The following CHRM5 variants were observed in gnomAD, a reference collection of about 807,000 sequenced individuals.
CHRM5 encodes muscarinic acetylcholine receptor M5.
Under a neutral mutation model 39.0 loss-of-function variants are expected in CHRM5, and 18 were observed. That is an observed-to-expected ratio of 0.46 (90% CI 0.32 to 0.68). The LOEUF (loss-of-function observed/expected upper bound fraction) is 0.68, where lower values mean the gene tolerates loss of function less well. Among genes scored for constraint, CHRM5 ranks in the 30% least tolerant of loss-of-function variants. The pLI is 0.04. For missense variants in CHRM5, 515 were observed against 651.1 expected, an observed-to-expected ratio of 0.79 and a Z score of 2.28; for synonymous variants, 241 against 246.3, an observed-to-expected ratio of 0.98 and a Z score of 0.20.
chr15:34,049,164 A>G (rs1470279706), intron 2 of CHRM5, among the ~76,000 whole-genome samples: 2 of 152,224 alleles, frequency 1.3e-5, no homozygotes, highest in Admixed American at 1.3e-4. Flanking sequence ...AAATGACTGC[A>G]CACCTCTCCA....
At chr15:33,990,450 A>T (rs1896673656) in intron 1 of CHRM5, among the ~76,000 whole-genome samples, 1 of 152,236 alleles carries the variant, frequency 6.6e-6, no homozygotes, top group Admixed American at 6.5e-5. Flanking sequence ...GTCTAACTGA[A>T]GAGTAACTGG....
chr15:34,016,470 T>A (rs963568659), intron 1 of CHRM5, among the ~76,000 whole-genome samples: 9 of 152,096 alleles, frequency 5.9e-5, no homozygotes, highest in African/African-American at 1.5e-4. Context: ...TGTGGCCACA[T>A]GACTCTTTTT....
chr15:34,046,094 A>G (rs954618447), intron 1 of CHRM5, among the ~76,000 whole-genome samples: 3 of 152,228 alleles, frequency 2.0e-5, no homozygotes, highest in Non-Finnish European at 4.4e-5. Flanking sequence ...ATAACCACTT[A>G]TATTTCATTT....
chr15:34,000,404 G>A (rs1039838491), intron 1 of CHRM5, among the ~76,000 whole-genome samples: 1 of 152,036 alleles, frequency 6.6e-6, no homozygotes, highest in Admixed American at 6.6e-5. Flanking sequence ...TCAATCAACT[G>A]GTCACAATTT....
intron 1 of CHRM5, among the ~76,000 whole-genome samples, chr15:34,020,294 G>C (rs3928443): frequency 1.3e-5 from 2 of 148,628 alleles, no homozygotes; most frequent in East Asian, 3.9e-4. Flanking sequence ...CTGGGTGACC[G>C]AGCGAGACTC....
chr15:33,975,822 C>T (rs1415875013), intron 1 of CHRM5, among the ~76,000 whole-genome samples: 1 of 152,056 alleles, frequency 6.6e-6, no homozygotes, highest in Non-Finnish European at 1.5e-5. Flanking sequence ...CCCAGCTACT[C>T]GGGAGGCTGA....
At chr15:34,007,163 C>T (rs1033109418) in intron 1 of CHRM5, 3 of 409,426 alleles carry the variant, frequency 7.3e-6, no homozygotes, top group African/African-American at 6.5e-5. Flanking sequence ...TGTCCAATGA[C>T]ACACACACAC....
intron 1 of CHRM5, among the ~76,000 whole-genome samples, chr15:34,008,831 G>A (rs1286569434): frequency 6.6e-6 from 1 of 152,096 alleles, no homozygotes; most frequent in Non-Finnish European, 1.5e-5. Flanking sequence ...TGAACTTCTA[G>A]TGTATATGCA....
At chr15:33,976,917 C>T (rs888772180) in intron 1 of CHRM5, among the ~76,000 whole-genome samples, 1 of 152,166 alleles carries the variant, frequency 6.6e-6, no homozygotes, top group Non-Finnish European at 1.5e-5. Flanking sequence ...GGTATAGTGA[C>T]ATCCTGGATG....
chr15:34,022,137 G>A (rs771988093), intron 1 of CHRM5, among the ~76,000 whole-genome samples: 24 of 152,198 alleles, frequency 1.6e-4, no homozygotes, highest in Non-Finnish European at 3.1e-4. Context: ...TGGCTGGCAT[G>A]CCCTTCTTTT....
intron 1 of CHRM5, among the ~76,000 whole-genome samples, chr15:34,042,589 G>C (rs548110134): frequency 6.6e-6 from 1 of 151,834 alleles, no homozygotes; most frequent in East Asian, 2.0e-4. Flanking sequence ...TTTTAGTAGA[G>C]ACGGGGTTTC....
At chr15:34,016,741 C>T (rs1260140368) in intron 1 of CHRM5, among the ~76,000 whole-genome samples, 1 of 152,176 alleles carries the variant, frequency 6.6e-6, no homozygotes, top group African/African-American at 2.4e-5. Flanking sequence ...TTTAAACCAG[C>T]GTAACCGTTT....
intron 1 of CHRM5, among the ~76,000 whole-genome samples, chr15:34,026,203 G>C (rs781013937): frequency 6.6e-6 from 1 of 151,666 alleles, no homozygotes; most frequent in Non-Finnish European, 1.5e-5. Flanking sequence ...TTACTTAAAA[G>C]TCTTATGACA....
chr15:34,015,494 A>T (rs937878266), intron 1 of CHRM5, among the ~76,000 whole-genome samples: 3 of 152,136 alleles, frequency 2.0e-5, no homozygotes, highest in South Asian at 2.1e-4. Context: ...AAAATAAAAA[A>T]AAATAAAAAA....
At chr15:34,004,993 T>C (rs1022657632) in intron 1 of CHRM5, among the ~76,000 whole-genome samples, 2 of 152,040 alleles carry the variant, frequency 1.3e-5, no homozygotes, top group Non-Finnish European at 2.9e-5. Context: ...TGAGCTTTTA[T>C]TAACACAGAA....
At chr15:34,040,898 TA>T (rs60454298) in intron 1 of CHRM5, among the ~76,000 whole-genome samples, 71,835 of 144,922 alleles carry the variant, frequency 0.5, 19,796 homozygotes, top group Non-Finnish European at 0.64. Context: ...GGAGACTGTC[TA>T]AAAAAAAAAA....
intron 1 of CHRM5, among the ~76,000 whole-genome samples, chr15:33,981,410 T>C (rs950068684): frequency 2.1e-5 from 3 of 142,950 alleles, no homozygotes; most frequent in Admixed American, 1.5e-4. Context: ...CCCATTGTCA[T>C]GACCAGATCA....
chr15:34,028,186 AAAT>A (rs1461913356), intron 1 of CHRM5, among the ~76,000 whole-genome samples: 3 of 152,240 alleles, frequency 2.0e-5, no homozygotes, highest in Non-Finnish European at 2.9e-5. Flanking sequence ...CATATTCCAT[AAAT>A]AATAAGATTC....
chr15:34,013,754 T>TG (rs1452727833), intron 1 of CHRM5, among the ~76,000 whole-genome samples: 2 of 151,924 alleles, frequency 1.3e-5, no homozygotes, highest in East Asian at 3.9e-4. Context: ...GAAGGGGGAA[T>TG]GGGGGACATC....
Sources: allele counts gnomAD v4.1 joint callset (sites outside exome capture counted in the v4.1 genomes callset), GRCh38; gene constraint gnomAD v4.1.1; transcripts MANE v1.5; gene names NCBI Gene and HGNC (gene_info 2026-07-23, HGNC 2026-07-21).